The following ADGRL3 variants were observed in gnomAD, a reference collection of about 807,000 sequenced individuals.
ADGRL3 encodes the protein adhesion G protein-coupled receptor L3.
In ADGRL3, 62 loss-of-function variants were observed where a neutral mutation model predicts 153.5. The ratio of observed to expected loss-of-function variants is 0.40; its 90% confidence interval spans 0.33 to 0.50. ADGRL3 has a LOEUF of 0.50. Ranked by LOEUF, ADGRL3 falls within the 20% of genes least tolerant of loss-of-function variation. The probability of loss-of-function intolerance (pLI) is 0.47; values close to 1 mark genes in which losing one functional copy is unlikely to be tolerated. For synonymous variants in ADGRL3, 710 were observed against 672.5 expected (o/e 1.06, Z -0.86); for missense variants, 1,641 against 1,859.4 (o/e 0.88, Z 2.16).
At chr4:61,740,122 G>A (rs2096565498) in intron 8 of ADGRL3, among the ~76,000 whole-genome samples, 1 of 152,118 alleles carries the variant, frequency 6.6e-6, no homozygotes, top group African/African-American at 2.4e-5. Context: ...CACTTCCTCT[G>A]TTTTTTCTGG....
intron 1 of ADGRL3, among the ~76,000 whole-genome samples, chr4:61,305,477 G>C (rs891751263): frequency 6.6e-6 from 1 of 152,138 alleles, no homozygotes; most frequent in Admixed American, 6.5e-5. Context: ...TGTAGTTGCT[G>C]TAGGAAACAC....
chr4:62,050,586 T>C (rs1733564791), intron 25 of ADGRL3, among the ~76,000 whole-genome samples: 1 of 152,084 alleles, frequency 6.6e-6, no homozygotes, highest in South Asian at 2.1e-4. Context: ...TTTGCTTTTA[T>C]ATTTTTAAAG....
chr4:61,973,893 T>G (rs1403615569), intron 17 of ADGRL3, among the ~76,000 whole-genome samples: 1 of 152,174 alleles, frequency 6.6e-6, no homozygotes, highest in East Asian at 1.9e-4. Context: ...AATTGTACGG[T>G]AATCAAGATG....
chr4:61,582,506 A>G (rs966678530), intron 4 of ADGRL3, among the ~76,000 whole-genome samples: 13 of 152,042 alleles, frequency 8.6e-5, no homozygotes, highest in African/African-American at 2.7e-4. Flanking sequence ...TGTACTTGCA[A>G]AAGATATGAT....
At chr4:61,408,631 G>A (rs1419369588) in intron 2 of ADGRL3, among the ~76,000 whole-genome samples, 2 of 151,606 alleles carry the variant, frequency 1.3e-5, no homozygotes, top group East Asian at 1.9e-4. Flanking sequence ...TATTTAAATT[G>A]GAAATAAATT....
intron 1 of ADGRL3, among the ~76,000 whole-genome samples, chr4:61,358,426 T>C (rs1030702825): frequency 2.0e-5 from 3 of 151,658 alleles, no homozygotes; most frequent in African/African-American, 7.3e-5. Flanking sequence ...TGAAACCCCG[T>C]CTCTACTAAA....
chr4:61,938,862 CAAAAAA>C (rs71213019), intron 15 of ADGRL3, among the ~76,000 whole-genome samples: 8 of 71,518 alleles, frequency 1.1e-4, no homozygotes, highest in Admixed American at 2.1e-4. Flanking sequence ...CCCTCCTCCT[CAAAAAA>C]AAAAAAAAAA....
intron 5 of ADGRL3, among the ~76,000 whole-genome samples, chr4:61,635,847 C>T (rs1194242517): frequency 3.3e-5 from 5 of 152,052 alleles, no homozygotes; most frequent in Non-Finnish European, 7.4e-5. Flanking sequence ...TTGTCTTTCC[C>T]TCTGTGTGTA....
At chr4:62,002,361 T>A (rs1232579984) in intron 21 of ADGRL3, among the ~76,000 whole-genome samples, 1 of 150,726 alleles carries the variant, frequency 6.6e-6, no homozygotes, top group Non-Finnish European at 1.5e-5. Context: ...GCTGTTTCTC[T>A]ACTCACTTTC....
At chr4:61,285,921 A>G (rs2093923362) in intron 1 of ADGRL3, among the ~76,000 whole-genome samples, 1 of 151,764 alleles carries the variant, frequency 6.6e-6, no homozygotes, top group Non-Finnish European at 1.5e-5. Context: ...AACTACAGAA[A>G]AGTGTTTCAT....
chr4:61,420,274 A>G (rs1464733906), intron 2 of ADGRL3: 1 of 152,058 alleles, frequency 6.6e-6, no homozygotes, highest in African/African-American at 2.4e-5. Flanking sequence ...ATATGATGGT[A>G]GATTCGATTT....
intron 1 of ADGRL3, among the ~76,000 whole-genome samples, chr4:61,239,906 T>C (rs1394791137): frequency 6.6e-6 from 1 of 152,098 alleles, no homozygotes; most frequent in Non-Finnish European, 1.5e-5. Flanking sequence ...AACCTAAATG[T>C]TTACTTGAGT....
At chr4:61,836,506 A>G (rs534612727) in intron 9 of ADGRL3, among the ~76,000 whole-genome samples, 34 of 152,098 alleles carry the variant, frequency 2.2e-4, no homozygotes, top group South Asian at 6.2e-4. Context: ...CCCTTTTTCA[A>G]TTTTACCCAT....
chr4:61,732,954 A>T lies in ADGRL3; in HGVS notation c.799A>T (p.Thr267Ser). 1 of 1,613,608 alleles carries T rather than the reference A, an allele frequency of 6.2e-7. No homozygotes were observed. The change falls in exon 8 of 27, where the codon ACC (threonine) becomes TCC (serine). Residue 267 changes from threonine (T) to serine (S), a missense_variant. Physicochemically the swap from Thr to Ser is moderately conservative, Grantham distance 58. This residue lies in a region of ADGRL3 where 213 missense variants were observed against 362.1 expected (regional missense o/e 0.59). Transcript: ENST00000683033. The stretch of plus-strand genomic sequence containing the variant: ...CTTCATTGCTGGAAGACCAACTACA[A>T]CCTACAAGCTCCCTCACAGGGTGGA... ...DDFIAGRPTT[T>S]YKLPHRVDGT...
At chr4:61,606,631 C>G (rs565978969) in intron 5 of ADGRL3, among the ~76,000 whole-genome samples, 1 of 152,088 alleles carries the variant, frequency 6.6e-6, no homozygotes, top group Non-Finnish European at 1.5e-5. Flanking sequence ...TTAAAGGCCC[C>G]GTCTTCAAAT....
At position 61,553,055 on chromosome 4, in the gene ADGRL3, T is replaced by C. The variant is rs541549976; in HGVS notation, c.260-34172T>C. 4.4e-4 allele frequency among the ~76,000 whole-genome samples: 67 copies of C among 152,344 alleles called. No homozygotes were observed. In the South Asian group the frequency reaches 9.5e-3, roughly 22 times the overall value. On this transcript the variant is annotated intron_variant, in intron 4 of 26. Coordinates refer to ENST00000683033, the MANE Select transcript of ADGRL3 (RefSeq NM_001387552.1). The stretch of plus-strand genomic sequence containing the variant: ...TGCATGTTAAAGGTTTTTTGGCTTA[T>C]TGCGCCTGAGCCATTTGAATTGTAA...
intron 4 of ADGRL3, among the ~76,000 whole-genome samples, chr4:61,568,559 T>C (rs1167900196): frequency 6.6e-6 from 1 of 152,136 alleles, no homozygotes; most frequent in Non-Finnish European, 1.5e-5. Context: ...CTGATAAATT[T>C]CCCATGATAA....
At chr4:61,309,692 A>T (rs1328569486) in intron 1 of ADGRL3, among the ~76,000 whole-genome samples, 1 of 152,098 alleles carries the variant, frequency 6.6e-6, no homozygotes, top group African/African-American at 2.4e-5. Flanking sequence ...CTTACAGTAG[A>T]TGGACATTCT....
At chr4:61,506,285 A>T (rs2098427752) in intron 3 of ADGRL3, among the ~76,000 whole-genome samples, 1 of 152,102 alleles carries the variant, frequency 6.6e-6, no homozygotes, top group Non-Finnish European at 1.5e-5. Context: ...TACCTTTAGG[A>T]ATTAGAACCA....
Sources: gnomAD v4.1 joint callset for allele counts (sites outside exome capture counted in the v4.1 genomes callset) on GRCh38, gnomAD v4.1.1 for gene constraint, gnomAD v4.1.1 regional missense constraint, MANE v1.5 for transcripts, NCBI Gene and HGNC (gene_info 2026-07-23, HGNC 2026-07-21) for gene names.